SHTN1: variants seen among roughly 807,000 people sequenced by gnomAD.
The protein encoded by SHTN1 is shootin-1.
SHTN1 carries 42 observed loss-of-function variants against 83.1 expected under a neutral mutation model. That is an observed-to-expected ratio of 0.51 (90% CI 0.39 to 0.65). SHTN1 has a LOEUF of 0.65. Among genes scored for constraint, SHTN1 ranks in the 30% least tolerant of loss-of-function variants. SHTN1 has a pLI of 0.00. For missense variants in SHTN1, 622 were observed against 737.8 expected, an observed-to-expected ratio of 0.84 and a Z score of 1.82; for synonymous variants, 224 against 247.7, an observed-to-expected ratio of 0.90 and a Z score of 0.90.
At chr10:117,017,416 G>A (rs1479343258) in intron 2 of SHTN1, among the ~76,000 whole-genome samples, 3 of 150,938 alleles carry the variant, frequency 2.0e-5, no homozygotes, top group Non-Finnish European at 4.4e-5. Context: ...GCGTGAACCC[G>A]GGAGGCAGAG....
intron 1 of SHTN1, among the ~76,000 whole-genome samples, chr10:117,003,573 CTG>C (rs1403636713): frequency 6.6e-6 from 1 of 151,940 alleles, no homozygotes; most frequent in Non-Finnish European, 1.5e-5. Flanking sequence ...CCAACGGTGT[CTG>C]TGGTTTTACG....
chr10:117,004,423 C>G (rs1851935838), intron 1 of SHTN1, among the ~76,000 whole-genome samples: 1 of 152,036 alleles, frequency 6.6e-6, no homozygotes, highest in Non-Finnish European at 1.5e-5. Context: ...CAGCGTCAAC[C>G]CTGTTAATTC....
intron 2 of SHTN1, among the ~76,000 whole-genome samples, chr10:117,025,374 G>A (rs983723582): frequency 6.6e-5 from 10 of 152,134 alleles, no homozygotes; most frequent in Non-Finnish European, 1.2e-4. Flanking sequence ...GAGAATTGCC[G>A]ATCCCAGTAG....
intron 11 of SHTN1, among the ~76,000 whole-genome samples, chr10:116,925,156 A>G (rs915428359): frequency 7.9e-5 from 12 of 152,190 alleles, no homozygotes; most frequent in African/African-American, 2.9e-4. Context: ...ATACTTGGTT[A>G]AACACTATTC....
intron 1 of SHTN1, among the ~76,000 whole-genome samples, chr10:116,996,637 CT>C (rs935924200): frequency 5.3e-5 from 8 of 151,944 alleles, no homozygotes; most frequent in South Asian, 2.1e-4. Context: ...CTTGCTTTTC[CT>C]TTTTTTTCAT....
intron 1 of SHTN1, among the ~76,000 whole-genome samples, chr10:117,102,065 T>TAAA (rs199716651): frequency 7.3e-6 from 1 of 136,932 alleles, no homozygotes; most frequent in African/African-American, 2.7e-5. Context: ...ACTTTGTTCT[T>TAAA]AAAAAAAAAA....
intron 1 of SHTN1, among the ~76,000 whole-genome samples, chr10:117,121,041 C>A (rs1254059042): frequency 6.6e-6 from 1 of 152,000 alleles, no homozygotes; most frequent in Non-Finnish European, 1.5e-5. Context: ...ACTTCCTGAC[C>A]TCAGGTGATC....
rs560642680 is a variant in SHTN1 at position 117,041,610 on chromosome 10, C to T, written c.-123+6835G>A. Reference sequence around the variant, plus strand: ...GAGGTTCACTGGTTTAATATTCTCACCCTTTGTCTTGAAGAGTTACATTGG... The same window carrying T: ...GAGGTTCACTGGTTTAATATTCTCATCCTTTGTCTTGAAGAGTTACATTGG... On this transcript the variant is annotated intron_variant, in intron 2 of 17. Coordinates refer to the SHTN1 transcript ENST00000392901. Among the ~76,000 whole-genome samples the T allele has an allele frequency of 1.3e-4, 20 of 152,270 alleles. No homozygotes were observed. The South Asian group carries it at 4.1e-3, about 32-fold the overall frequency.
intron 13 of SHTN1, among the ~76,000 whole-genome samples, chr10:116,915,114 T>C (rs1394542408): frequency 6.6e-6 from 1 of 152,212 alleles, no homozygotes; most frequent in African/African-American, 2.4e-5. Context: ...TGTTATTTGT[T>C]TGGTGTAACA....
upstream of SHTN1, chr10:117,005,603 C>T (rs571620921): frequency 2.0e-6 from 2 of 989,562 alleles, no homozygotes; most frequent in Non-Finnish European, 2.4e-6. Flanking sequence ...GGGCTTCTTC[C>T]CTAGTTTTCC....
At chr10:116,897,219 AAC>A (rs1295147796) in intron 16 of SHTN1, among the ~76,000 whole-genome samples, 1 of 152,200 alleles carries the variant, frequency 6.6e-6, no homozygotes, top group Non-Finnish European at 1.5e-5. Flanking sequence ...TCTAAAAGAT[AAC>A]AGTTATTTTG....
intron 2 of SHTN1, among the ~76,000 whole-genome samples, chr10:117,039,071 G>A (rs1012966672): frequency 1.3e-5 from 2 of 152,126 alleles, no homozygotes; most frequent in African/African-American, 4.8e-5. Flanking sequence ...ATTCACAAAT[G>A]TCAAAAGCTG....
chr10:116,986,556 T>C (rs1188712090), intron 1 of SHTN1, among the ~76,000 whole-genome samples: 3 of 151,596 alleles, frequency 2.0e-5, no homozygotes, highest in Non-Finnish European at 4.4e-5. Flanking sequence ...AAAGTGAAAA[T>C]TTTCCCTACT....
upstream of SHTN1, chr10:117,005,315 C>A (rs983539744): frequency 1.5e-6 from 2 of 1,370,690 alleles, no homozygotes; most frequent in Admixed American, 3.0e-5. Flanking sequence ...CCAGCAGTCC[C>A]GTTCAGGGGG....
intron 1 of SHTN1, among the ~76,000 whole-genome samples, chr10:117,099,069 CT>C (rs1392047978): frequency 8.9e-5 from 13 of 145,988 alleles, no homozygotes; most frequent in African/African-American, 3.2e-4. Flanking sequence ...AAAATAATGT[CT>C]TTTGCAACCA....
chr10:116,909,024 TTTTAG>T (rs1308167882), intron 14 of SHTN1, among the ~76,000 whole-genome samples: 1 of 152,204 alleles, frequency 6.6e-6, no homozygotes, highest in African/African-American at 2.4e-5. Context: ...ACCAAGACTA[TTTTAG>T]TTATCTCTTT....
chr10:117,070,639 G>T (rs888883264), intron 1 of SHTN1, among the ~76,000 whole-genome samples: 1 of 151,450 alleles, frequency 6.6e-6, no homozygotes, highest in Non-Finnish European at 1.5e-5. Context: ...CAGAGAAGAA[G>T]CACGCAGGGC....
At chr10:116,942,213 TA>T (rs1464069863) in intron 8 of SHTN1, among the ~76,000 whole-genome samples, 1 of 109,014 alleles carries the variant, frequency 9.2e-6, no homozygotes, top group Non-Finnish European at 2.2e-5. Context: ...ATGATTACAG[TA>T]ATTTTTTTTT....
intron 12 of SHTN1, among the ~76,000 whole-genome samples, chr10:116,919,446 G>A (rs987228530): frequency 6.6e-6 from 1 of 152,050 alleles, no homozygotes; most frequent in African/African-American, 2.4e-5. Context: ...CAAGGATGTG[G>A]GAGAAAATAC....
Sources: allele counts gnomAD v4.1 joint callset (sites outside exome capture counted in the v4.1 genomes callset), GRCh38; gene constraint gnomAD v4.1.1; transcripts MANE v1.5; gene names NCBI Gene and HGNC (gene_info 2026-07-23, HGNC 2026-07-21).